The following LBR variants were observed in gnomAD, a reference collection of about 807,000 sequenced individuals.
LBR encodes the protein delta(14)-sterol reductase LBR.
In LBR, 28 loss-of-function variants were observed where a neutral mutation model predicts 74.3. The observed-to-expected ratio is 0.38, with a 90% CI of 0.28 to 0.52. The LOEUF (loss-of-function observed/expected upper bound fraction) is 0.52, where lower values mean the gene tolerates loss of function less well. LBR is among the 20% of genes least tolerant of loss of function. The probability of loss-of-function intolerance (pLI) is 0.89; values close to 1 mark genes in which losing one functional copy is unlikely to be tolerated. For synonymous variants in LBR, 228 were observed against 269.3 expected, an observed-to-expected ratio of 0.85 and a Z score of 1.50; for missense variants, 717 against 760.3, an observed-to-expected ratio of 0.94 and a Z score of 0.67.
At chr1:225,409,461 T>G (rs1380282971) in intron 10 of LBR, among the ~76,000 whole-genome samples, 1 of 152,152 alleles carries the variant, frequency 6.6e-6, no homozygotes, top group Non-Finnish European at 1.5e-5. Context: ...CCAAATAATA[T>G]AATTTTTTTT....
intron 1 of LBR, chr1:225,427,487 C>G (rs2096142072): frequency 6.6e-6 from 1 of 152,190 alleles, no homozygotes; most frequent in Admixed American, 6.5e-5. Context: ...GACCCTTCCC[C>G]GTCCCGCCAG....
intron 5 of LBR, among the ~76,000 whole-genome samples, chr1:225,418,859 T>C (rs576268085): frequency 6.6e-6 from 1 of 152,324 alleles, no homozygotes; most frequent in African/African-American, 2.4e-5. Context: ...GATCCCATTT[T>C]ATGCAGGCAG....
chr1:225,419,295 C>T lies in LBR; in HGVS notation c.608G>A (p.Arg203Gln), dbSNP rs142747191. The change falls in exon 5 of 14, where the codon CGG becomes CAG. Residue 203 changes from arginine (R) to glutamine (Q), a missense_variant. Transcript: ENST00000272163. ...TCCTCCAAACTCCAAGTCCTTTGCC[C>T]GGATGGGGGTCACTTCAAAGGTTCT... ...AVRTFEVTPIRAKDLEFGGVP... is the reference protein window; with the variant it reads ...AVRTFEVTPIQAKDLEFGGVP... 56 of 1,614,058 alleles carry T rather than the reference C, an allele frequency of 3.5e-5. No homozygotes were observed. Among genetic ancestry groups the T allele is most frequent in the African/African-American group, 2.8e-4 (21 of 74,920 alleles).
Position 225,403,115 on chromosome 1 carries a change from T to C in LBR, c.*188A>G, listed in dbSNP as rs912641708. 3.4e-6 allele frequency: 2 copies of C among 592,468 alleles called. No homozygotes were observed. The highest frequency in any genetic ancestry group is 1.9e-5 in the African/African-American group (1 of 53,702). The allele number at this position is 592,468 out of a possible 1,614,324, so 36.7% of individuals were successfully genotyped here. The stretch of plus-strand genomic sequence containing the variant: ...ACTTGTATTTTTCCTATGTTAACTG[T>C]AAGTTAATACAAGTAAACACGGCTA... On this transcript the variant is annotated 3_prime_UTR_variant, in exon 14 of 14. Coordinates refer to ENST00000272163, the MANE Select transcript of LBR (RefSeq NM_002296.4).
chr1:225,409,050 C>G (rs1185765223), intron 10 of LBR, among the ~76,000 whole-genome samples: 1 of 152,212 alleles, frequency 6.6e-6, no homozygotes, highest in Non-Finnish European at 1.5e-5. Context: ...GCGATTCATT[C>G]TATAACAGCA....
chr1:225,403,746 T>A (rs1415213150), intron 13 of LBR, among the ~76,000 whole-genome samples: 2 of 152,198 alleles, frequency 1.3e-5, no homozygotes, highest in Non-Finnish European at 2.9e-5. Context: ...TTTCTCGCCC[T>A]TCTTCCCCCA....
rs1170511361 is a variant in LBR at position 225,401,926 on chromosome 1, A to G, written c.*1377T>C. 6.6e-6 allele frequency: 1 copy of G among 152,234 alleles called. No homozygotes were observed. Among genetic ancestry groups the G allele is most frequent in the African/African-American group, 2.4e-5 (1 of 41,450 alleles). The allele number at this position is 152,234 out of a possible 1,614,324, so 9.4% of individuals were successfully genotyped here. ...TTAACACTGCATATCTAAATGGCTC[A>G]TATATAAAATGTGTAATTAAAACCC... On this transcript the variant is annotated 3_prime_UTR_variant, in exon 14 of 14. Coordinates refer to ENST00000272163, the MANE Select transcript of LBR (RefSeq NM_002296.4).
In LBR at chr1:225,404,626, G is replaced by T; in HGVS notation, c.1564C>A (p.His522Asn). Residue 522 changes from histidine to asparagine, a missense_variant and splice_region_variant, in exon 12 of 14, where the codon CAT becomes AAT. By Grantham distance (68) the His-to-Asn change is moderately conservative. Coordinates refer to ENST00000272163, the MANE Select transcript of LBR (RefSeq NM_002296.4). Reference sequence around the variant, plus strand: ...AATATAAACATAAATCAATACTTACGTGCAAGCTTTGGATCACTGGGATTT... The same window carrying T: ...AATATAAACATAAATCAATACTTACTTGCAAGCTTTGGATCACTGGGATTT... Reference protein sequence around the residue: ...RKNPSDPKLAHLKTIHTSTGK... With the variant: ...RKNPSDPKLANLKTIHTSTGK... 6.2e-7 allele frequency: 1 copy of T among 1,606,838 alleles called. No homozygotes were observed. The highest frequency in any genetic ancestry group is 8.5e-7 in the Non-Finnish European group (1 of 1,175,016).
In LBR at chr1:225,418,318, C is replaced by A. The variant is rs1215440669; in HGVS notation, c.641-138G>T. 4 of 853,792 alleles carry A rather than the reference C, an allele frequency of 4.7e-6. No individual in the cohort carries two copies. The Admixed American group carries it at 8.2e-5, about 18-fold the overall frequency. 52.9% of individuals were successfully genotyped at this position (853,792 alleles called of 1,614,324 possible). A position where few individuals can be genotyped will look rare whatever the true frequency, so the allele number is the denominator to read the frequency against. On this transcript the variant is annotated intron_variant, in intron 5 of 13. Coordinates refer to ENST00000272163, the MANE Select transcript of LBR (RefSeq NM_002296.4). ...CCAATTTCTAATGTACCATCAAAAACTCCCATCTCTACCTGTCACCTCTGG... is the reference window on the plus strand; with the variant it reads ...CCAATTTCTAATGTACCATCAAAAAATCCCATCTCTACCTGTCACCTCTGG...
chr1:225,424,122 A>C, intron 1 of LBR, 33 bp from the exon 2 acceptor site: 1 of 1,457,152 alleles, frequency 6.9e-7, no homozygotes, highest in Non-Finnish European at 9.6e-7. Context: ...ATTTGAGTCA[A>C]TACATACACA....
chr1:225,417,966 G>T lies in LBR; in HGVS notation c.837+18C>A. ...GACCTCATCTTATTAAAACAAAACA[G>T]AATTACCATAAACGTACCTTTCCAA... On this transcript the variant is annotated intron_variant, in intron 6 of 13. Coordinates refer to ENST00000272163, the MANE Select transcript of LBR (RefSeq NM_002296.4). The T allele has an allele frequency of 6.2e-7, 1 of 1,610,934 alleles. No homozygotes were observed. Among genetic ancestry groups the T allele is most frequent in the South Asian group, 1.1e-5 (1 of 90,932 alleles).
Position 225,404,454 on chromosome 1 carries a change from G to C in LBR, c.1637C>G (p.Pro546Arg). Residue 546 changes from proline to arginine, a missense_variant, in exon 13 of 14, where the codon CCC (proline) becomes CGC (arginine). Pro to Arg is a moderately radical substitution (Grantham distance 103, BLOSUM62 -2). Coordinates refer to ENST00000272163, the MANE Select transcript of LBR (RefSeq NM_002296.4). The stretch of plus-strand genomic sequence containing the variant: ...CATGATGAGATCACCCAAGTAATTG[G>C]GGTGGCGAACAAAGCCCCACCATCC... ...VSGWWGFVRH[P>R]NYLGDLIMAL... 1.2e-6 allele frequency: 2 copies of C among 1,614,110 alleles called. No homozygotes were observed. Among genetic ancestry groups the C allele is most frequent in the Non-Finnish European group, 1.7e-6 (2 of 1,180,006 alleles).
rs1453253186 is a variant in LBR, at chr1:225,417,738, A to C, written c.837+246T>G. On this transcript the variant is annotated intron_variant, in intron 6 of 13. Coordinates refer to ENST00000272163, the MANE Select transcript of LBR (RefSeq NM_002296.4). The stretch of plus-strand genomic sequence containing the variant: ...GATTTTTTTTTAAGTTCCTCCTAAT[A>C]AGCAAGTGTTATACAGACAGCACAA... The C allele has an allele frequency of 1.3e-5, 5 of 375,408 alleles. No individual in the cohort carries two copies. The East Asian group carries it at 1.8e-4, about 13-fold the overall frequency. The allele number at this position is 375,408 out of a possible 1,614,324, so 23.3% of individuals were successfully genotyped here.
At chr1:225,408,583 G>T (rs1036787115) in intron 10 of LBR, among the ~76,000 whole-genome samples, 1 of 152,220 alleles carries the variant, frequency 6.6e-6, no homozygotes, top group African/African-American at 2.4e-5. Context: ...AATACAGAGG[G>T]ATTTCTATCA....
intron 10 of LBR, among the ~76,000 whole-genome samples, chr1:225,407,270 A>G (rs2096094099): frequency 6.6e-6 from 1 of 152,134 alleles, no homozygotes; most frequent in African/African-American, 2.4e-5. Flanking sequence ...AAGCCTCTAA[A>G]AGACAGAGGC....
intron 1 of LBR, chr1:225,427,587 C>T (rs1447043933): frequency 6.6e-6 from 1 of 152,238 alleles, no homozygotes; most frequent in African/African-American, 2.4e-5. Context: ...GGGAGCCAGG[C>T]TGCGGTGGGG....
In LBR at chr1:225,403,094, G is replaced by C; in HGVS notation, c.*209C>G. The stretch of plus-strand genomic sequence containing the variant: ...AATGCAAATTCTCACATCCTTACTT[G>C]TATTTTTCCTATGTTAACTGTAAGT... On this transcript the variant is annotated 3_prime_UTR_variant, in exon 14 of 14. Coordinates refer to ENST00000272163, the MANE Select transcript of LBR (RefSeq NM_002296.4). The C allele has an allele frequency of 3.6e-6, 2 of 561,960 alleles. No homozygotes were observed. Among genetic ancestry groups the C allele is most frequent in the East Asian group, 3.0e-5 (1 of 33,374 alleles). 34.8% of individuals were successfully genotyped at this position (561,960 alleles called of 1,614,324 possible). A position where few individuals can be genotyped will look rare whatever the true frequency, so the allele number is the denominator to read the frequency against.
At position 225,411,537 on chromosome 1, in the gene LBR, CT is replaced by C. The variant is rs1456711665; in HGVS notation, c.1085-98del. On this transcript the variant is annotated intron_variant, in intron 8 of 13. Transcript: ENST00000272163. Reference sequence around the variant, plus strand: ...CCCACTATCCAGGCTCACAATTCCACTGCCTGCAAGACCCTGAGCAGGGCTC... The same window carrying C: ...CCCACTATCCAGGCTCACAATTCCACGCCTGCAAGACCCTGAGCAGGGCTC... 12 of 882,056 alleles carry C rather than the reference CT, an allele frequency of 1.4e-5. 1 individual carries two copies. Among genetic ancestry groups the C allele is most frequent in the Non-Finnish European group, 2.3e-5 (12 of 520,682 alleles). The allele number at this position is 882,056 out of a possible 1,614,324, so 54.6% of individuals were successfully genotyped here.
At chr1:225,428,765 CAA>C (rs1438222297), upstream of LBR, 1 of 152,196 alleles carries the variant, frequency 6.6e-6, no homozygotes, top group Non-Finnish European at 1.5e-5. Flanking sequence ...AGAAAATCCC[CAA>C]CACCGCGGAG....
Sources: allele counts gnomAD v4.1 joint callset (sites outside exome capture counted in the v4.1 genomes callset), GRCh38; gene constraint gnomAD v4.1.1; transcripts MANE v1.5; gene names NCBI Gene and HGNC (gene_info 2026-07-23, HGNC 2026-07-21).